CAMTA1: variants seen among roughly 807,000 people sequenced by gnomAD.
The protein encoded by CAMTA1 is calmodulin binding transcription activator 1.
A neutral mutation model predicts 170.9 loss-of-function variants in CAMTA1; 27 were observed. The observed-to-expected ratio is 0.16, with a 90% confidence interval of 0.12 to 0.22. CAMTA1 has a LOEUF of 0.22. CAMTA1 is among the 10% of genes least tolerant of loss of function. The probability of loss-of-function intolerance (pLI) is 1.00; values close to 1 mark genes in which losing one functional copy is unlikely to be tolerated. For synonymous variants in CAMTA1, 833 were observed against 891.5 expected (o/e 0.93, Z 1.17); for missense variants, 1,619 against 2,217.2 (o/e 0.73, Z 5.42).
chr1:6,836,479 A>G (rs1653147451), intron 3 of CAMTA1, among the ~76,000 whole-genome samples: 1 of 152,200 alleles, frequency 6.6e-6, no homozygotes, highest in African/African-American at 2.4e-5. Flanking sequence ...AAAAAATTGT[A>G]AAATGGCGAG....
intron 6 of CAMTA1, among the ~76,000 whole-genome samples, chr1:7,538,522 G>C (rs1027147764): frequency 1.3e-5 from 2 of 152,162 alleles, no homozygotes; most frequent in African/African-American, 4.8e-5. Flanking sequence ...GTGATGGCAA[G>C]TGCTTGTAGT....
rs1184358502 is a variant in CAMTA1, at chr1:7,113,401, G to A, written c.302+22030G>A. On this transcript the variant is annotated intron_variant, in intron 4 of 22. Coordinates refer to ENST00000303635, the MANE Select transcript of CAMTA1 (RefSeq NM_015215.4). This position sits in a 1 kb window ranked among gnomAD's most constrained non-coding sequence, Gnocchi z 4.5. ...ACACTCAGGTGGAGAAGCCAGATGC[G>A]GCCCCCTTGGAGAGGGGTCATCTTT... 6.6e-6 allele frequency among the ~76,000 whole-genome samples: 1 copy of A among 152,148 alleles called. No individual in the cohort carries two copies. The highest frequency in any genetic ancestry group is 1.5e-5 in the Non-Finnish European group (1 of 68,020).
intron 3 of CAMTA1, among the ~76,000 whole-genome samples, chr1:6,961,376 C>A (rs781558071): frequency 3.3e-5 from 5 of 152,192 alleles, no homozygotes; most frequent in Non-Finnish European, 5.9e-5. Context: ...CTGCACGTCA[C>A]GTCCCTCCCA....
intron 3 of CAMTA1, among the ~76,000 whole-genome samples, chr1:6,931,638 T>A (rs1240892058): frequency 6.6e-6 from 1 of 152,172 alleles, no homozygotes; most frequent in Non-Finnish European, 1.5e-5. Flanking sequence ...ACTGTACCAA[T>A]GAGGAAGTTG....
intron 3 of CAMTA1, among the ~76,000 whole-genome samples, chr1:7,017,727 C>A (rs1396374350): frequency 6.6e-6 from 1 of 152,174 alleles, no homozygotes; most frequent in Non-Finnish European, 1.5e-5. Context: ...CAAACCTGTT[C>A]AGGACTGAAT....
intron 3 of CAMTA1, among the ~76,000 whole-genome samples, chr1:6,936,781 G>T (rs183377816): frequency 2.6e-5 from 4 of 152,254 alleles, no homozygotes; most frequent in Admixed American, 2.0e-4. Flanking sequence ...GAGGTCAGCC[G>T]ATTGAGACCA....
chr1:6,952,993 G>A (rs1050017507), intron 3 of CAMTA1, among the ~76,000 whole-genome samples: 9 of 149,658 alleles, frequency 6.0e-5, no homozygotes, highest in Non-Finnish European at 1.3e-4. Context: ...GCCGCCTTCC[G>A]AACCCCAGGG....
chr1:7,648,182 T>C (rs1018533648), intron 7 of CAMTA1, among the ~76,000 whole-genome samples: 1 of 151,998 alleles, frequency 6.6e-6, no homozygotes, highest in Non-Finnish European at 1.5e-5. Context: ...TCACCTGAGG[T>C]CAGGAGTTTG....
At chr1:7,206,380 T>C (rs1558246600) in intron 4 of CAMTA1, among the ~76,000 whole-genome samples, 1 of 152,252 alleles carries the variant, frequency 6.6e-6, no homozygotes, top group Non-Finnish European at 1.5e-5. Context: ...GTTTTGCACA[T>C]ACCCGAATAA....
In CAMTA1 at chr1:6,903,106, TAAAAA is replaced by T. The variant is rs139367114; in HGVS notation, c.234+77898_234+77902del. On this transcript the variant is annotated intron_variant, in intron 3 of 22. Coordinates refer to ENST00000303635, the MANE Select transcript of CAMTA1 (RefSeq NM_015215.4). ...ATTACAGTGGAATACTGCTGAGTAA[TAAAAA>T]AGAATGAACTACTGTTAACAACCAT... Among the ~76,000 whole-genome samples the T allele has an allele frequency of 3.3e-4, 50 of 152,208 alleles. No homozygotes were observed. The East Asian group carries it at 7.9e-3, about 24-fold the overall frequency.
rs70987362 is a variant in CAMTA1 at position 7,680,861 on chromosome 1, C to CCAGCAG, written c.2914+3145_2914+3150dup. On this transcript the variant is annotated intron_variant, in intron 11 of 22. Coordinates refer to ENST00000303635, the MANE Select transcript of CAMTA1 (RefSeq NM_015215.4). This position sits in a 1 kb window ranked among gnomAD's most constrained non-coding sequence, Gnocchi z 4.4. Reference sequence around the variant, plus strand: ...GAGAACACGCGCGCGCGCGCGCGCGCCAGCAGCAGCAGCAGCAGCAGCTGC... The same window carrying CCAGCAG: ...GAGAACACGCGCGCGCGCGCGCGCGCCAGCAGCAGCAGCAGCAGCAGCAGCAGCTGC... Among the ~76,000 whole-genome samples the CCAGCAG allele has an allele frequency of 4.5e-3, 616 of 136,564 alleles. 6 individuals carry two copies. Among genetic ancestry groups the CCAGCAG allele is most frequent in the East Asian group, 0.015 (71 of 4,672 alleles). 89.6% of individuals were successfully genotyped at this position (136,564 alleles called of 152,430 possible).
chr1:7,553,078 G>T (rs2094825109), intron 6 of CAMTA1, among the ~76,000 whole-genome samples: 1 of 152,214 alleles, frequency 6.6e-6, no homozygotes, highest in Non-Finnish European at 1.5e-5. Context: ...TGAGAACAGG[G>T]CCTGGCACAC....
At chr1:7,651,848 C>T (rs373300822) in intron 7 of CAMTA1, among the ~76,000 whole-genome samples, 181 of 152,374 alleles carry the variant, frequency 1.2e-3, no homozygotes, top group Non-Finnish European at 1.6e-3. Context: ...CAGGCCAGCA[C>T]GGTGCTGCCA....
intron 11 of CAMTA1, among the ~76,000 whole-genome samples, 162 bp downstream of exon 11, chr1:7,677,895 T>C (rs2096138960): frequency 6.6e-6 from 1 of 152,194 alleles, no homozygotes; most frequent in Non-Finnish European, 1.5e-5. Flanking sequence ...CCAGGCTGAG[T>C]GCCTATGCTG....
At chr1:6,827,451 T>C (rs760047337) in intron 3 of CAMTA1, among the ~76,000 whole-genome samples, 1 of 152,108 alleles carries the variant, frequency 6.6e-6, no homozygotes. Context: ...TTTGGAAAAA[T>C]AGAGGAATAT....
At chr1:6,796,756 G>T (rs1197109868) in intron 1 of CAMTA1, among the ~76,000 whole-genome samples, 1 of 152,160 alleles carries the variant, frequency 6.6e-6, no homozygotes, top group Admixed American at 6.5e-5. Context: ...ACTGCTTGCA[G>T]TTCAGTACTA....
At chr1:7,446,405 C>T (rs767080195) in intron 5 of CAMTA1, among the ~76,000 whole-genome samples, 3 of 152,178 alleles carry the variant, frequency 2.0e-5, no homozygotes, top group Non-Finnish European at 2.9e-5. Context: ...AGCTGCTTGG[C>T]CTGACTGAGG....
At chr1:6,978,356 A>G (rs746659763) in intron 3 of CAMTA1, among the ~76,000 whole-genome samples, 1 of 152,198 alleles carries the variant, frequency 6.6e-6, no homozygotes, top group Non-Finnish European at 1.5e-5. Flanking sequence ...ACACCAGGCC[A>G]GGCACGGTGG....
chr1:7,284,390 G>C (rs1672047321), intron 5 of CAMTA1, among the ~76,000 whole-genome samples: 1 of 151,882 alleles, frequency 6.6e-6, no homozygotes, highest in Non-Finnish European at 1.5e-5. Flanking sequence ...TTTTAGTAGA[G>C]ATGGGGTTTC....
Sources: allele counts gnomAD v4.1 joint callset (sites outside exome capture counted in the v4.1 genomes callset), GRCh38; gene constraint gnomAD v4.1.1; non-coding constraint Gnocchi (gnomAD v3.1); transcripts MANE v1.5; gene names NCBI Gene and HGNC (gene_info 2026-07-23, HGNC 2026-07-21).